FARS2: variants seen among roughly 807,000 people sequenced by gnomAD.
FARS2 encodes phenylalanine--tRNA ligase, mitochondrial.
A neutral mutation model predicts 46.4 loss-of-function variants in FARS2; 40 were observed. The observed-to-expected ratio is 0.86, with a 90% CI of 0.67 to 1.12. The LOEUF (loss-of-function observed/expected upper bound fraction) is 1.12. FARS2 is among the 50% of genes most tolerant of loss of function. FARS2 has a pLI of 0.00. For missense variants in FARS2, 513 were observed against 567.9 expected (o/e 0.90, Z 0.98); for synonymous variants, 234 against 214.9 (o/e 1.09, Z -0.78).
At chr6:5,384,694 G>A (rs1306433498) in intron 2 of FARS2, among the ~76,000 whole-genome samples, 1 of 152,146 alleles carries the variant, frequency 6.6e-6, no homozygotes, top group Non-Finnish European at 1.5e-5. Flanking sequence ...GGGTTTCCCT[G>A]AGAAAGCTCA....
At chr6:5,380,997 TATTTATTTATTTATTTATTA>T (rs1759728646) in intron 2 of FARS2, among the ~76,000 whole-genome samples, 1 of 143,914 alleles carries the variant, frequency 6.9e-6, no homozygotes, top group African/African-American at 2.5e-5. Context: ...TTTATTTATT[TATTTATTTATTTATTTATTA>T]TGAGACAGAG....
At chr6:5,710,249 A>G (rs1041161563) in intron 6 of FARS2, among the ~76,000 whole-genome samples, 6 of 152,204 alleles carry the variant, frequency 3.9e-5, no homozygotes, top group African/African-American at 9.6e-5. Context: ...GGTCCAAGCC[A>G]CATCCCTCCC....
At chr6:5,506,148 C>T (rs149585456) in intron 4 of FARS2, among the ~76,000 whole-genome samples, 7 of 152,154 alleles carry the variant, frequency 4.6e-5, no homozygotes, top group African/African-American at 1.7e-4. Flanking sequence ...TCAGCTGTCC[C>T]AGTGGAGAGC....
At chr6:5,443,221 T>C (rs900817028) in intron 4 of FARS2, among the ~76,000 whole-genome samples, 2 of 152,240 alleles carry the variant, frequency 1.3e-5, no homozygotes, top group African/African-American at 4.8e-5. Context: ...AACCATTAGC[T>C]TTTTACATGT....
At chr6:5,410,134 T>G (rs1275642902) in intron 3 of FARS2, among the ~76,000 whole-genome samples, 1 of 147,058 alleles carries the variant, frequency 6.8e-6, no homozygotes, top group African/African-American at 2.6e-5. Flanking sequence ...AGAAAAGTGC[T>G]TTGTTCGTTT....
chr6:5,697,262 T>A (rs1284995045), intron 6 of FARS2, among the ~76,000 whole-genome samples: 1 of 152,228 alleles, frequency 6.6e-6, no homozygotes, highest in East Asian at 1.9e-4. Context: ...TTGATTAGAA[T>A]GACTTTTGTC....
At chr6:5,355,154 T>G (rs891251888) in intron 1 of FARS2, among the ~76,000 whole-genome samples, 1 of 152,150 alleles carries the variant, frequency 6.6e-6, no homozygotes, top group Non-Finnish European at 1.5e-5. Context: ...TTGGTGTGAA[T>G]TGAGAGTCAT....
At chr6:5,337,981 G>GA (rs890016521) in intron 1 of FARS2, among the ~76,000 whole-genome samples, 13 of 152,120 alleles carry the variant, frequency 8.5e-5, no homozygotes, top group African/African-American at 3.1e-4. Flanking sequence ...GACTTTTAGG[G>GA]AAAATCTATT....
chr6:5,297,110 C>T (rs1390061162), intron 1 of FARS2, among the ~76,000 whole-genome samples: 4 of 152,152 alleles, frequency 2.6e-5, no homozygotes, highest in Non-Finnish European at 4.4e-5. Flanking sequence ...GTTACAACAG[C>T]GGAGGAAGGG....
At chr6:5,553,125 T>TGAGG (rs1364456108) in intron 5 of FARS2, among the ~76,000 whole-genome samples, 2 of 152,208 alleles carry the variant, frequency 1.3e-5, no homozygotes. Flanking sequence ...TTGGATGAAA[T>TGAGG]AATTCAGCAA....
chr6:5,664,898 C>T (rs1452998254), intron 6 of FARS2: 1 of 152,206 alleles, frequency 6.6e-6, no homozygotes, highest in Non-Finnish European at 1.5e-5. Context: ...TTATTTTGGT[C>T]CTGCCAGTTC....
chr6:5,429,142 G>C (rs981693437), intron 3 of FARS2, among the ~76,000 whole-genome samples: 2 of 152,156 alleles, frequency 1.3e-5, no homozygotes, highest in Admixed American at 1.3e-4. Flanking sequence ...AAAGCTGGGA[G>C]GTGATGTTTA....
At chr6:5,323,662 C>G (rs1770144175) in intron 1 of FARS2, among the ~76,000 whole-genome samples, 1 of 152,214 alleles carries the variant, frequency 6.6e-6, no homozygotes, top group Non-Finnish European at 1.5e-5. Flanking sequence ...GGCGGAAGGA[C>G]TCATTCCTGC....
intron 4 of FARS2, among the ~76,000 whole-genome samples, chr6:5,518,656 G>T (rs1447797334): frequency 6.6e-6 from 1 of 151,974 alleles, no homozygotes; most frequent in South Asian, 2.1e-4. Context: ...TTCCATCAAG[G>T]GTCACTAATT....
At chr6:5,768,093 G>T (rs1484177886) in intron 6 of FARS2, among the ~76,000 whole-genome samples, 1 of 152,104 alleles carries the variant, frequency 6.6e-6, no homozygotes, top group Admixed American at 6.6e-5. Context: ...TCTCCAACAT[G>T]AAAAAGGAAG....
At chr6:5,734,127 T>C (rs1760804026) in intron 6 of FARS2, among the ~76,000 whole-genome samples, 1 of 152,084 alleles carries the variant, frequency 6.6e-6, no homozygotes, top group Admixed American at 6.5e-5. Flanking sequence ...CAAGTTCCAG[T>C]GGTAGATGGA....
chr6:5,311,796 G>A lies in FARS2; in HGVS notation c.-22+50136G>A, dbSNP rs1769096294. The stretch of plus-strand genomic sequence containing the variant: ...GTTGGGAAGAAGCAGCTCATGTTTG[G>A]ATCTAGCTGTCAAAAATGAGAGATA... On this transcript the variant is annotated intron_variant, in intron 1 of 6. Coordinates refer to ENST00000274680, the MANE Select transcript of FARS2 (RefSeq NM_006567.5). The surrounding 1 kb of genome is among the most constrained non-coding windows in gnomAD (Gnocchi z 4.1). 6.6e-6 allele frequency among the ~76,000 whole-genome samples: 1 copy of A among 152,034 alleles called. No homozygotes were observed. Among genetic ancestry groups the A allele is most frequent in the South Asian group, 2.1e-4 (1 of 4,816 alleles).
At chr6:5,489,434 A>G (rs935439824) in intron 4 of FARS2, among the ~76,000 whole-genome samples, 2 of 152,204 alleles carry the variant, frequency 1.3e-5, no homozygotes, top group African/African-American at 4.8e-5. Flanking sequence ...AGCCTGGGTG[A>G]CAGAATGAAA....
intron 4 of FARS2, chr6:5,466,825 G>T: frequency 1.0e-6 from 1 of 985,458 alleles, no homozygotes; most frequent in Non-Finnish European, 1.2e-6. Flanking sequence ...GAAGCACTGA[G>T]TTGGGAATGG....
Sources: allele counts gnomAD v4.1 joint callset (sites outside exome capture counted in the v4.1 genomes callset), GRCh38; gene constraint gnomAD v4.1.1; non-coding constraint Gnocchi (gnomAD v3.1); transcripts MANE v1.5; gene names NCBI Gene and HGNC (gene_info 2026-07-23, HGNC 2026-07-21).